The following GALNT9 variants were observed in gnomAD, a reference collection of about 807,000 sequenced individuals.
GALNT9 encodes GalNAc transferase 9.
GALNT9 carries 47 observed loss-of-function variants against 63.1 expected under a neutral mutation model. The ratio of observed to expected loss-of-function variants is 0.75; its 90% CI spans 0.59 to 0.95. GALNT9 has a LOEUF of 0.95. Ranked by LOEUF, GALNT9 falls within the 40% of genes least tolerant of loss-of-function variation. GALNT9 has a pLI of 0.00. For synonymous variants in GALNT9, 396 were observed against 365.7 expected (o/e 1.08, Z -0.94); for missense variants, 829 against 874.8 (o/e 0.95, Z 0.66).
At chr12:132,235,247 TG>T (rs1291261090) in intron 6 of GALNT9, among the ~76,000 whole-genome samples, 1 of 151,956 alleles carries the variant, frequency 6.6e-6, no homozygotes, top group Non-Finnish European at 1.5e-5. Flanking sequence ...GCTCAGAGTG[TG>T]TGGGGCAGAG....
intron 5 of GALNT9, 83 bp downstream of exon 5, chr12:132,257,606 T>C (rs928897528): frequency 1.2e-4 from 117 of 992,354 alleles, no homozygotes; most frequent in Non-Finnish European, 1.5e-4. Context: ...CCCTCATCCC[T>C]GGCCCTCGTC....
At chr12:132,200,929 C>G in intron 8 of GALNT9, 195 bp downstream of exon 8, 1 of 585,692 alleles carries the variant, frequency 1.7e-6, no homozygotes, top group Non-Finnish European at 3.0e-6. Flanking sequence ...GTGGATGTGC[C>G]TGCATCACCG....
chr12:132,292,372 G>A (rs1045661873), intron 1 of GALNT9, among the ~76,000 whole-genome samples: 10 of 152,108 alleles, frequency 6.6e-5, no homozygotes, highest in African/African-American at 2.2e-4. Context: ...CAGGAGAGGC[G>A]GGATCTCCCT....
At chr12:132,209,611 G>A (rs79845509) in intron 6 of GALNT9, among the ~76,000 whole-genome samples, 24 of 152,180 alleles carry the variant, frequency 1.6e-4, no homozygotes, top group East Asian at 1.4e-3. Flanking sequence ...AGATGGCAAC[G>A]AGTGACTTGT....
At chr12:132,267,864 A>G (rs1446703974) in intron 2 of GALNT9, among the ~76,000 whole-genome samples, 2 of 134,654 alleles carry the variant, frequency 1.5e-5, no homozygotes, top group East Asian at 4.6e-4. Context: ...GCACACACAC[A>G]CGCATACAAC....
intron 1 of GALNT9, among the ~76,000 whole-genome samples, chr12:132,317,017 A>G (rs1868543912): frequency 7.3e-6 from 1 of 137,896 alleles, no homozygotes; most frequent in African/African-American, 2.8e-5. Flanking sequence ...TGCACCCTAC[A>G]CCCCACGGAG....
At chr12:132,266,526 G>A (rs1203208818) in intron 2 of GALNT9, among the ~76,000 whole-genome samples, 1 of 152,232 alleles carries the variant, frequency 6.6e-6, no homozygotes, top group Non-Finnish European at 1.5e-5. Context: ...TGGAGGTGGA[G>A]GCCGAGACTC....
At chr12:132,210,996 A>G (rs1876936136) in intron 6 of GALNT9, among the ~76,000 whole-genome samples, 1 of 152,088 alleles carries the variant, frequency 6.6e-6, no homozygotes, top group South Asian at 2.1e-4. Flanking sequence ...CAGCAAATCC[A>G]TGAGATGCAC....
At chr12:132,223,239 CCA>C (rs1877544559) in intron 6 of GALNT9, among the ~76,000 whole-genome samples, 2 of 114,568 alleles carry the variant, frequency 1.7e-5, no homozygotes, top group African/African-American at 3.4e-5. Flanking sequence ...CCCACACAAC[CCA>C]CACCCCACAT....
In GALNT9 at chr12:132,329,406, G is replaced by T; in HGVS notation, c.-203C>A. 1 of 607,220 alleles carries T rather than the reference G, an allele frequency of 1.6e-6. No homozygotes were observed. The highest frequency in any genetic ancestry group is 4.1e-5 in the East Asian group (1 of 24,386). The allele number at this position is 607,220 out of a possible 1,614,324, so 37.6% of individuals were successfully genotyped here. A position where few individuals can be genotyped will look rare whatever the true frequency, so the allele number is the denominator to read the frequency against. ...TCCCCCAGAGCGCAGAGGGCTGCCCGGGGCTGGGGTCGCGGGGCGCGGCCG... is the reference window on the plus strand; with the variant it reads ...TCCCCCAGAGCGCAGAGGGCTGCCCTGGGCTGGGGTCGCGGGGCGCGGCCG... On this transcript the variant is annotated 5_prime_UTR_variant, in exon 1 of 11. Coordinates refer to ENST00000328957, the MANE Select transcript of GALNT9 (RefSeq NM_001122636.2).
At chr12:132,297,445 C>T (rs576351311) in intron 1 of GALNT9, among the ~76,000 whole-genome samples, 5 of 151,180 alleles carry the variant, frequency 3.3e-5, no homozygotes, top group Middle Eastern at 3.4e-3. Context: ...AAGCCGCTCC[C>T]GAGATAACCA....
At chr12:132,215,259 G>C (rs1877137222) in intron 6 of GALNT9, among the ~76,000 whole-genome samples, 1 of 152,254 alleles carries the variant, frequency 6.6e-6, no homozygotes. Flanking sequence ...GGCTCTCAGG[G>C]ACAAAAGTAC....
At chr12:132,225,885 C>T (rs1197004179) in intron 6 of GALNT9, among the ~76,000 whole-genome samples, 4 of 145,370 alleles carry the variant, frequency 2.8e-5, no homozygotes, top group Admixed American at 1.4e-4. Context: ...CCATACACAC[C>T]ACACACCCCA....
At chr12:132,293,172 T>C (rs1555242944) in intron 1 of GALNT9, among the ~76,000 whole-genome samples, 1 of 152,118 alleles carries the variant, frequency 6.6e-6, no homozygotes, top group East Asian at 1.9e-4. Context: ...GTGGGGGGGC[T>C]CAGGCAGCTG....
At chr12:132,256,767 G>T (rs1879137499) in intron 5 of GALNT9, among the ~76,000 whole-genome samples, 2 of 152,176 alleles carry the variant, frequency 1.3e-5, no homozygotes, top group African/African-American at 4.8e-5. Context: ...TCACAGTCCT[G>T]CCAGCCATGT....
chr12:132,205,598 GGCGCCGCCGTGCCAGGCTGAA>G (rs1351073741), intron 6 of GALNT9: 1 of 152,298 alleles, frequency 6.6e-6, no homozygotes, highest in Non-Finnish European at 1.5e-5. Context: ...TGGAGTCCGC[GGCGCCGCCGTGCCAGGCTGAA>G]GTTGGCCTTT....
In GALNT9 at chr12:132,329,388, G is replaced by A. The variant is rs1465578826; in HGVS notation, c.-185C>T. On this transcript the variant is annotated 5_prime_UTR_variant, in exon 1 of 11. Transcript: ENST00000328957. Reference sequence around the variant, plus strand: ...GGCCACGGCCGCCGGGGGTCCCCCAGAGCGCAGAGGGCTGCCCGGGGCTGG... The same window carrying A: ...GGCCACGGCCGCCGGGGGTCCCCCAAAGCGCAGAGGGCTGCCCGGGGCTGG... The A allele has an allele frequency of 7.2e-5, 60 of 836,628 alleles. No individual in the cohort carries two copies. Among genetic ancestry groups the A allele is most frequent in the Non-Finnish European group, 9.5e-5 (58 of 611,278 alleles). The allele number at this position is 836,628 out of a possible 1,614,324, so 51.8% of individuals were successfully genotyped here.
rs142981796 is a variant in GALNT9 at position 132,240,693 on chromosome 12, A to T, written c.1077+7217T>A. 375 of 455,842 alleles carry T rather than the reference A, an allele frequency of 8.2e-4. 3 individuals are homozygous for T. The highest frequency in any genetic ancestry group is 6.6e-3 in the African/African-American group (332 of 50,010). The allele number at this position is 455,842 out of a possible 1,614,324, so 28.2% of individuals were successfully genotyped here. Reference sequence around the variant, plus strand: ...TTTTTCTTCCTCTTTTATTCTGTTTATAATTTACCTTATCTTGCTGGAACC... The same window carrying T: ...TTTTTCTTCCTCTTTTATTCTGTTTTTAATTTACCTTATCTTGCTGGAACC... On this transcript the variant is annotated intron_variant, in intron 6 of 10. Transcript: ENST00000328957.
chr12:132,201,372 TCC>T, intron 7 of GALNT9, 111 bp from the exon 8 acceptor site: 2 of 672,938 alleles, frequency 3.0e-6, no homozygotes, highest in Non-Finnish European at 5.2e-6. Context: ...AGGAGCAGCC[TCC>T]CCCCCAGTAT....
Sources: allele counts gnomAD v4.1 joint callset (sites outside exome capture counted in the v4.1 genomes callset), GRCh38; gene constraint gnomAD v4.1.1; transcripts MANE v1.5; gene names NCBI Gene and HGNC (gene_info 2026-07-23, HGNC 2026-07-21).